The following LITAF variants were observed in gnomAD, a reference collection of about 807,000 sequenced individuals.
LITAF encodes the protein lipopolysaccharide-induced tumor necrosis factor-alpha factor.
Under a neutral mutation model 14.5 loss-of-function variants are expected in LITAF, and 9 were observed. The observed-to-expected ratio is 0.62, with a 90% CI of 0.37 to 1.08. LITAF has a LOEUF of 1.08. Ranked by LOEUF, LITAF falls within the 50% of genes least tolerant of loss-of-function variation. LITAF has a pLI of 0.01. For synonymous variants in LITAF, 98 were observed against 88.2 expected (o/e 1.11, Z -0.62); for missense variants, 206 against 213.4 (o/e 0.97, Z 0.22).
intron 3 of LITAF, among the ~76,000 whole-genome samples, chr16:11,610,695 G>A (rs183396320): frequency 6.6e-6 from 1 of 152,168 alleles, no homozygotes; most frequent in Non-Finnish European, 1.5e-5. Context: ...CAGGGTTGCT[G>A]TGTTGGGTTG....
chr16:11,640,063 C>G (rs1169079029), upstream of LITAF, among the ~76,000 whole-genome samples: 1 of 152,166 alleles, frequency 6.6e-6, no homozygotes, highest in Non-Finnish European at 1.5e-5. Context: ...TGTGAGCCAC[C>G]GCACCCGGCC....
In LITAF at chr16:11,558,976, G is replaced by A. The variant is rs1597335485; in HGVS notation, c.-5-2241C>T. The stretch of plus-strand genomic sequence containing the variant: ...TAAAATGTGGCTTGTGGCCGGGCAC[G>A]GGGGCTCATGACTGCAATCCCAGCA... On this transcript the variant is annotated intron_variant, in intron 1 of 3. Transcript: ENST00000622633. The surrounding 1 kb of genome is among the most constrained non-coding windows in gnomAD (Gnocchi z 4.1). Among the ~76,000 whole-genome samples, 4 of 151,814 alleles carry A rather than the reference G, an allele frequency of 2.6e-5. No homozygotes were observed. The highest frequency in any genetic ancestry group is 7.3e-5 in the African/African-American group (3 of 41,332).
chr16:11,560,556 C>T (rs1390799806), intron 1 of LITAF, among the ~76,000 whole-genome samples: 2 of 149,808 alleles, frequency 1.3e-5, no homozygotes, highest in Non-Finnish European at 2.9e-5. Flanking sequence ...GCACTCCAGC[C>T]TGGGCCACAG....
upstream of LITAF, among the ~76,000 whole-genome samples, chr16:11,638,014 CTA>C (rs1157225076): frequency 3.0e-3 from 216 of 71,764 alleles, 8 homozygotes; most frequent in East Asian, 0.022. Context: ...CTATATATAT[CTA>C]TATATATCTA....
intron 1 of LITAF, among the ~76,000 whole-genome samples, chr16:11,596,511 A>G (rs1597365616): frequency 4.4e-5 from 2 of 45,346 alleles, no homozygotes; most frequent in Non-Finnish European, 7.8e-5. Context: ...GAAGGGGAGG[A>G]GGAAAGGAGA....
intron 3 of LITAF, among the ~76,000 whole-genome samples, chr16:11,615,307 C>T (rs2065010448): frequency 6.6e-6 from 1 of 152,174 alleles, no homozygotes; most frequent in Admixed American, 6.5e-5. Flanking sequence ...GAGGCTGAGG[C>T]AGGTGGATCA....
At chr16:11,622,918 C>T (rs1012135669) in intron 3 of LITAF, among the ~76,000 whole-genome samples, 11 of 150,214 alleles carry the variant, frequency 7.3e-5, no homozygotes, top group Admixed American at 1.3e-4. Context: ...GTCATCATGA[C>T]CCAATTAGTT....
chr16:11,576,875 C>T (rs1321111272), intron 1 of LITAF, among the ~76,000 whole-genome samples: 1 of 152,178 alleles, frequency 6.6e-6, no homozygotes, highest in African/African-American at 2.4e-5. Flanking sequence ...TTTGTTCTGG[C>T]CAAATTCCAG....
At position 11,562,313 on chromosome 16, in the gene LITAF, CAAAAAAAAAAAA is replaced by C. The variant is rs57317505; in HGVS notation, c.-5-5590_-5-5579del. On this transcript the variant is annotated intron_variant, in intron 1 of 3. Coordinates refer to ENST00000622633, the MANE Select transcript of LITAF (RefSeq NM_001136472.2). ...TGGGTGACTGAGCGAGACTCCGTCT[CAAAAAAAAAAAA>C]AAAAAAAAAAAAAGAAGGAAGAAAA... Among the ~76,000 whole-genome samples, 14 of 61,436 alleles carry C rather than the reference CAAAAAAAAAAAA, an allele frequency of 2.3e-4. 1 individual carries two copies. The highest frequency in any genetic ancestry group is 9.3e-4 in the African/African-American group (14 of 15,124). The allele number at this position is 61,436 out of a possible 152,430, so 40.3% of individuals were successfully genotyped here.
At chr16:11,596,177 T>G (rs745924467) in intron 1 of LITAF, among the ~76,000 whole-genome samples, 38 of 152,032 alleles carry the variant, frequency 2.5e-4, no homozygotes, top group Non-Finnish European at 4.6e-4. Context: ...TGGCTAGGCC[T>G]CAGTCTTCAC....
chr16:11,584,275 A>T (rs1162852229), intron 1 of LITAF: 2 of 149,970 alleles, frequency 1.3e-5, no homozygotes, highest in East Asian at 2.0e-4. Flanking sequence ...CCAAGAATAC[A>T]GGACTTCCTC....
intron 1 of LITAF, among the ~76,000 whole-genome samples, chr16:11,576,077 C>T (rs906914189): frequency 1.3e-5 from 2 of 152,086 alleles, no homozygotes; most frequent in Non-Finnish European, 2.9e-5. Flanking sequence ...TTTGTAGAGA[C>T]GGGGTCTCAC....
chr16:11,638,968 G>C (rs911676315), upstream of LITAF, among the ~76,000 whole-genome samples: 1 of 151,992 alleles, frequency 6.6e-6, no homozygotes, highest in African/African-American at 2.4e-5. Context: ...CAAGGAAATG[G>C]GTACTGACGT....
At chr16:11,637,632 G>A (rs1036803212), upstream of LITAF, among the ~76,000 whole-genome samples, 2 of 152,198 alleles carry the variant, frequency 1.3e-5, no homozygotes, top group South Asian at 2.1e-4. Flanking sequence ...AGCGGCTCAC[G>A]CCTATATTCC....
At chr16:11,579,803 G>C (rs1019777885) in intron 1 of LITAF, among the ~76,000 whole-genome samples, 2 of 152,132 alleles carry the variant, frequency 1.3e-5, no homozygotes, top group African/African-American at 4.8e-5. Context: ...TACTTTCAGG[G>C]ATCCCACTTA....
At chr16:11,578,045 A>T (rs767009145) in intron 1 of LITAF, among the ~76,000 whole-genome samples, 2 of 151,928 alleles carry the variant, frequency 1.3e-5, no homozygotes, top group Non-Finnish European at 1.5e-5. Context: ...ACAGGTGTGC[A>T]CCACCACACT....
chr16:11,587,261 A>C, upstream of LITAF: 1 of 376,678 alleles, frequency 2.7e-6, no homozygotes, highest in Non-Finnish European at 5.3e-6. Flanking sequence ...CTCCCTCCTG[A>C]TTTGCCGCTC....
At chr16:11,635,321 C>T (rs1336593200) in intron 2 of LITAF, among the ~76,000 whole-genome samples, 10 of 152,218 alleles carry the variant, frequency 6.6e-5, no homozygotes, top group South Asian at 2.1e-4. Context: ...TACCAATCAA[C>T]GCTGGGGCGA....
chr16:11,639,449 G>A (rs1464115589), upstream of LITAF, among the ~76,000 whole-genome samples: 4 of 150,764 alleles, frequency 2.7e-5, no homozygotes, highest in East Asian at 2.0e-4. Context: ...TGGGTGGGAT[G>A]CATGGATGGG....
Sources: allele counts gnomAD v4.1 joint callset (sites outside exome capture counted in the v4.1 genomes callset), GRCh38; gene constraint gnomAD v4.1.1; non-coding constraint Gnocchi (gnomAD v3.1); transcripts MANE v1.5; gene names NCBI Gene and HGNC (gene_info 2026-07-23, HGNC 2026-07-21).